The following ADGRL2 variants were observed in gnomAD, a reference collection of about 807,000 sequenced individuals.
ADGRL2 encodes the protein adhesion G protein-coupled receptor L2.
In ADGRL2, 44 loss-of-function variants were observed where a neutral mutation model predicts 157.4. That is an observed-to-expected ratio of 0.28 (90% confidence interval 0.22 to 0.36). The LOEUF is 0.36. ADGRL2 is among the 10% of genes least tolerant of loss of function. The pLI is 1.00. For missense variants in ADGRL2, 1,510 were observed against 1,768.9 expected (o/e 0.85, Z 2.63); for synonymous variants, 585 against 624.7 (o/e 0.94, Z 0.95).
At chr1:81,409,475 T>C (rs983347836) in intron 1 of ADGRL2, among the ~76,000 whole-genome samples, 1 of 152,202 alleles carries the variant, frequency 6.6e-6, no homozygotes, top group Non-Finnish European at 1.5e-5. Flanking sequence ...GCACAGAAGA[T>C]AGTCACATGG....
intron 1 of ADGRL2, among the ~76,000 whole-genome samples, chr1:81,343,129 C>T (rs542488828): frequency 1.6e-5 from 2 of 128,634 alleles, no homozygotes; most frequent in African/African-American, 3.1e-5. Flanking sequence ...CACTCTGCTG[C>T]CCAGGCTGGA....
chr1:81,982,595 A>T (rs545564091), intron 19 of ADGRL2, among the ~76,000 whole-genome samples: 1 of 152,056 alleles, frequency 6.6e-6, no homozygotes, highest in East Asian at 1.9e-4. Context: ...TTCACTGGGT[A>T]TCATCCTTTC....
intron 1 of ADGRL2, among the ~76,000 whole-genome samples, chr1:81,387,098 G>A (rs1302802630): frequency 6.6e-6 from 1 of 152,104 alleles, no homozygotes; most frequent in African/African-American, 2.4e-5. Context: ...AGCTAGTATT[G>A]CTTTCTATTT....
intron 3 of ADGRL2, among the ~76,000 whole-genome samples, chr1:81,644,608 T>C (rs1043485399): frequency 6.6e-6 from 1 of 152,192 alleles, no homozygotes; most frequent in African/African-American, 2.4e-5. Context: ...CAAATAAGCA[T>C]ATGAAAGATG....
At chr1:81,892,682 G>A (rs2094295780) in intron 2 of ADGRL2, among the ~76,000 whole-genome samples, 1 of 152,072 alleles carries the variant, frequency 6.6e-6, no homozygotes, top group South Asian at 2.1e-4. Flanking sequence ...TAAGGGTGTT[G>A]TATAGATATT....
At chr1:81,816,681 A>G (rs2090436698) in intron 1 of ADGRL2, among the ~76,000 whole-genome samples, 1 of 151,914 alleles carries the variant, frequency 6.6e-6, no homozygotes, top group African/African-American at 2.4e-5. Context: ...TCCATAGTTA[A>G]AAAGATGTTT....
At chr1:81,350,171 A>T (rs1662780319) in intron 1 of ADGRL2, among the ~76,000 whole-genome samples, 1 of 152,204 alleles carries the variant, frequency 6.6e-6, no homozygotes, top group Admixed American at 6.5e-5. Context: ...AAAACAAAAA[A>T]TACACTATAT....
chr1:81,971,752 A>G (rs1245381714), intron 16 of ADGRL2, 100 bp from the exon 17 acceptor site: 6 of 628,352 alleles, frequency 9.5e-6, no homozygotes, highest in Non-Finnish European at 1.7e-5. Context: ...AGGCAAATGT[A>G]AAGATAGTTT....
At chr1:81,768,881 G>C (rs1341924817) in intron 2 of ADGRL2, among the ~76,000 whole-genome samples, 1 of 152,076 alleles carries the variant, frequency 6.6e-6, no homozygotes, top group Admixed American at 6.5e-5. Flanking sequence ...AGGAGTTTGA[G>C]ACTAGCCTGG....
At chr1:81,736,510 C>T (rs925558148) in intron 1 of ADGRL2, among the ~76,000 whole-genome samples, 2 of 152,124 alleles carry the variant, frequency 1.3e-5, no homozygotes, top group Admixed American at 6.5e-5. Context: ...TTCGATTATT[C>T]AGCAGAGCTA....
At chr1:81,616,671 T>TTTATTTTCTC (rs2081657067) in intron 3 of ADGRL2, among the ~76,000 whole-genome samples, 1 of 121,920 alleles carries the variant, frequency 8.2e-6, no homozygotes, top group African/African-American at 3.3e-5. Flanking sequence ...TTTCTTTTCT[T>TTTATTTTCTC]TTCTTTTCTT....
rs2078400230 is a variant in ADGRL2 at position 81,482,060 on chromosome 1, T to C, written c.-248+36971T>C. ...TCTCTTTTAGTCTGAACAGACTATG[T>C]GTACCCAAGGTTAAAAGTTGCCTTG... On this transcript the variant is annotated intron_variant, in intron 2 of 24. Transcript: ENST00000370721. Among the ~76,000 whole-genome samples the C allele has an allele frequency of 2.0e-5, 3 of 152,206 alleles. No individual in the cohort carries two copies. In the South Asian group the frequency reaches 6.2e-4, roughly 31 times the overall value.
intron 2 of ADGRL2, among the ~76,000 whole-genome samples, chr1:81,483,365 C>T (rs1287197662): frequency 6.6e-6 from 1 of 152,158 alleles, no homozygotes; most frequent in African/African-American, 2.4e-5. Flanking sequence ...AAGATGAATG[C>T]TCAAGCACCT....
intron 2 of ADGRL2, among the ~76,000 whole-genome samples, chr1:81,867,048 G>T (rs188589096): frequency 1.4e-4 from 22 of 152,188 alleles, no homozygotes; most frequent in Non-Finnish European, 2.4e-4. Flanking sequence ...ACTGTACAGA[G>T]TTATAAAAAT....
intron 3 of ADGRL2, among the ~76,000 whole-genome samples, chr1:81,643,294 T>A (rs913756987): frequency 1.3e-5 from 2 of 152,104 alleles, no homozygotes; most frequent in Non-Finnish European, 2.9e-5. Flanking sequence ...ATACCAGCAA[T>A]GAACAAGTGG....
chr1:81,419,897 A>G (rs532116015), intron 1 of ADGRL2, among the ~76,000 whole-genome samples: 9 of 152,298 alleles, frequency 5.9e-5, no homozygotes, highest in African/African-American at 2.2e-4. Context: ...TCTTTTAGGA[A>G]TATATTATTA....
At chr1:81,801,269 T>A (rs1172560976) in intron 1 of ADGRL2, among the ~76,000 whole-genome samples, 1 of 152,200 alleles carries the variant, frequency 6.6e-6, no homozygotes, top group Non-Finnish European at 1.5e-5. Flanking sequence ...GATTTGTCCT[T>A]TGACGCTGTA....
chr1:81,493,390 A>G (rs911543174), intron 2 of ADGRL2, among the ~76,000 whole-genome samples: 1 of 152,186 alleles, frequency 6.6e-6, no homozygotes, highest in African/African-American at 2.4e-5. Flanking sequence ...ATCTTTATCT[A>G]TCACTGGCTA....
intron 1 of ADGRL2, among the ~76,000 whole-genome samples, chr1:81,384,832 G>A (rs2076406973): frequency 6.6e-6 from 1 of 152,066 alleles, no homozygotes; most frequent in Admixed American, 6.6e-5. Flanking sequence ...AGGGTACAAG[G>A]AACAGCCAAG....
Sources: allele counts gnomAD v4.1 joint callset (sites outside exome capture counted in the v4.1 genomes callset), GRCh38; gene constraint gnomAD v4.1.1; transcripts MANE v1.5; gene names NCBI Gene and HGNC (gene_info 2026-07-23, HGNC 2026-07-21).